Variants in OPCML observed in about 807,000 individuals in gnomAD.
OPCML encodes opioid-binding protein/cell adhesion molecule.
In OPCML, 13 loss-of-function variants were observed where a neutral mutation model predicts 37.8. That is an observed-to-expected ratio of 0.34 (90% CI 0.22 to 0.55). The LOEUF is 0.55. Ranked by LOEUF, OPCML falls within the 20% of genes least tolerant of loss-of-function variation. The pLI is 0.91. For missense variants in OPCML, 341 were observed against 435.6 expected (o/e 0.78, Z 1.93); for synonymous variants, 176 against 168.8 (o/e 1.04, Z -0.33).
intron 4 of OPCML, among the ~76,000 whole-genome samples, chr11:132,455,896 G>C (rs1399096279): frequency 6.6e-6 from 1 of 152,166 alleles, no homozygotes; most frequent in Non-Finnish European, 1.5e-5. Flanking sequence ...CATAACAGAT[G>C]ATATGCGTTA....
chr11:133,008,159 AC>A, intron 1 of OPCML: 1 of 985,462 alleles, frequency 1.0e-6, no homozygotes, highest in Non-Finnish European at 1.2e-6. Context: ...CTTTAAAATA[AC>A]ATCAGTGACC....
intron 3 of OPCML, among the ~76,000 whole-genome samples, chr11:132,602,099 C>G (rs1301434422): frequency 6.6e-6 from 1 of 152,112 alleles, no homozygotes; most frequent in Non-Finnish European, 1.5e-5. Flanking sequence ...AATTCACAAA[C>G]AGGAGACAGC....
At chr11:133,324,504 A>T (rs115531070) in intron 1 of OPCML, among the ~76,000 whole-genome samples, 3,657 of 152,304 alleles carry the variant, frequency 0.024, 79 homozygotes, top group African/African-American at 0.063. Flanking sequence ...CTAGGAAAAA[A>T]CGGAATTCTG....
At chr11:132,942,040 C>T (rs1945596072) in intron 2 of OPCML, among the ~76,000 whole-genome samples, 1 of 152,164 alleles carries the variant, frequency 6.6e-6, no homozygotes, top group African/African-American at 2.4e-5. Context: ...GCCCTGTGTA[C>T]ATTGTGAGAC....
At chr11:132,606,517 G>A (rs750934459) in intron 3 of OPCML, among the ~76,000 whole-genome samples, 10 of 152,138 alleles carry the variant, frequency 6.6e-5, no homozygotes, top group Admixed American at 4.6e-4. Flanking sequence ...CACAGTCAGA[G>A]GGCTTTCCAG....
At chr11:132,931,192 A>C in intron 2 of OPCML, among the ~76,000 whole-genome samples, 1 of 152,136 alleles carries the variant, frequency 6.6e-6, no homozygotes, top group East Asian at 1.9e-4. Flanking sequence ...CTTAAACATA[A>C]GAGCTAAAAC....
intron 2 of OPCML, among the ~76,000 whole-genome samples, chr11:132,890,274 A>C (rs1943589431): frequency 6.6e-6 from 1 of 152,226 alleles, no homozygotes; most frequent in African/African-American, 2.4e-5. Context: ...CACTGACAAT[A>C]TCTTTCTTCA....
At chr11:133,499,401 C>A (rs1033417005) in intron 1 of OPCML, among the ~76,000 whole-genome samples, 4 of 152,152 alleles carry the variant, frequency 2.6e-5, no homozygotes, top group African/African-American at 9.7e-5. Flanking sequence ...TGTTACATTT[C>A]CAATCGGGAA....
At chr11:132,420,338 G>A (rs747152285) in intron 7 of OPCML, 45 bp from the exon 8 acceptor site, 5 of 1,606,620 alleles carry the variant, frequency 3.1e-6, no homozygotes, top group Middle Eastern at 1.9e-4. Flanking sequence ...TACACCCAAG[G>A]ACACCATAGT....
At chr11:133,427,923 C>T (rs138837081) in intron 1 of OPCML, among the ~76,000 whole-genome samples, 82 of 152,292 alleles carry the variant, frequency 5.4e-4, no homozygotes, top group African/African-American at 1.9e-3. Context: ...ATACTCACAT[C>T]CTGCCTTCTA....
At chr11:133,124,644 G>C in intron 1 of OPCML, among the ~76,000 whole-genome samples, 2 of 152,174 alleles carry the variant, frequency 1.3e-5, no homozygotes, top group Non-Finnish European at 2.9e-5. Context: ...TTGAGACTGA[G>C]CTGTTATCTT....
intron 2 of OPCML, among the ~76,000 whole-genome samples, chr11:132,721,258 T>C (rs989956202): frequency 7.2e-5 from 11 of 152,182 alleles, no homozygotes; most frequent in Non-Finnish European, 1.6e-4. Flanking sequence ...ATATTCATGT[T>C]TTGGATGTCT....
intron 2 of OPCML, among the ~76,000 whole-genome samples, chr11:132,907,627 C>T (rs1944288955): frequency 8.0e-6 from 1 of 125,634 alleles, no homozygotes; most frequent in Non-Finnish European, 1.8e-5. Context: ...GAAACTCTGT[C>T]TCAAAAAAAA....
In OPCML at chr11:132,877,243, C is replaced by T. The variant is rs184786592; in HGVS notation, c.146+65683G>A. ...TTGAACTGTTCAATTCTGAAATTCC[C>T]GGTCAGCATTTTTGATGGCAGTCAT... On this transcript the variant is annotated intron_variant, in intron 2 of 7. Transcript: ENST00000524381. 1.7e-4 allele frequency among the ~76,000 whole-genome samples: 26 copies of T among 152,232 alleles called. No homozygotes were observed. In the East Asian group the frequency reaches 2.1e-3, roughly 12 times the overall value.
rs577691693 is a variant in OPCML, at chr11:132,550,903, T to C, written c.380-21717A>G. Among the ~76,000 whole-genome samples, 27 of 152,376 alleles carry C rather than the reference T, an allele frequency of 1.8e-4. No individual in the cohort carries two copies. The South Asian group carries it at 4.8e-3, about 27-fold the overall frequency. On this transcript the variant is annotated intron_variant, in intron 3 of 7. Coordinates refer to ENST00000524381, the MANE Select transcript of OPCML (RefSeq NM_001012393.5). ...TTGCCTGAATTCTGCTACCTTCTAG[T>C]TAAAATTTATTTTTTGATTTAGACT... is the stretch of plus-strand genomic sequence containing the variant.
intron 4 of OPCML, among the ~76,000 whole-genome samples, chr11:132,458,443 G>T (rs1260526428): frequency 1.3e-5 from 2 of 152,150 alleles, no homozygotes; most frequent in Non-Finnish European, 2.9e-5. Context: ...AGCCTGTCTT[G>T]CATGATTGCT....
chr11:133,252,405 G>C (rs955768449), intron 1 of OPCML, among the ~76,000 whole-genome samples: 2 of 152,120 alleles, frequency 1.3e-5, no homozygotes, highest in Non-Finnish European at 2.9e-5. Context: ...CTTATAAAGT[G>C]TATATTTGTT....
chr11:132,879,581 G>A (rs1346158003), intron 2 of OPCML, among the ~76,000 whole-genome samples: 1 of 152,338 alleles, frequency 6.6e-6, no homozygotes, highest in East Asian at 1.9e-4. Flanking sequence ...TCCTTTCAGA[G>A]TGACATTTTT....
At chr11:132,859,535 G>T (rs1942209053) in intron 2 of OPCML, 1 of 152,206 alleles carries the variant, frequency 6.6e-6, no homozygotes, top group African/African-American at 2.4e-5. Flanking sequence ...AATGAGAAAA[G>T]TCTTCTCAGT....
Sources: gnomAD v4.1 joint callset for allele counts (sites outside exome capture counted in the v4.1 genomes callset) on GRCh38, gnomAD v4.1.1 for gene constraint, MANE v1.5 for transcripts, NCBI Gene and HGNC (gene_info 2026-07-23, HGNC 2026-07-21) for gene names.